Variants in SORCS2 observed in about 807,000 individuals in gnomAD.
The protein encoded by SORCS2 is sortilin related VPS10 domain containing receptor 2, also known as VPS10 domain-containing receptor SorCS2.
Under a neutral mutation model 141.6 loss-of-function variants are expected in SORCS2, and 100 were observed. The observed-to-expected ratio is 0.71, with a 90% CI of 0.60 to 0.83. The LOEUF (loss-of-function observed/expected upper bound fraction) is 0.83, where lower values mean the gene tolerates loss of function less well. Ranked by LOEUF, SORCS2 falls within the 40% of genes least tolerant of loss-of-function variation. The pLI, the probability that SORCS2 is intolerant of heterozygous loss-of-function variation, is 0.00. For missense variants in SORCS2, 1,646 were observed against 1,560.2 expected, an observed-to-expected ratio of 1.05 and a Z score of -0.93; for synonymous variants, 789 against 676.9, an observed-to-expected ratio of 1.17 and a Z score of -2.57.
chr4:7,538,930 T>C (rs538792120), intron 3 of SORCS2, among the ~76,000 whole-genome samples: 10 of 152,328 alleles, frequency 6.6e-5, no homozygotes, highest in Admixed American at 5.2e-4. Context: ...TGATAAAGCA[T>C]GGCCCTGTGT....
intron 1 of SORCS2, among the ~76,000 whole-genome samples, chr4:7,194,979 G>T (rs1046628909): frequency 6.6e-6 from 1 of 152,096 alleles, no homozygotes; most frequent in African/African-American, 2.4e-5. Flanking sequence ...GCCTGCCCCT[G>T]TCCTGACCTC....
chr4:7,409,429 C>T (rs987001987), intron 2 of SORCS2, among the ~76,000 whole-genome samples: 1 of 152,250 alleles, frequency 6.6e-6, no homozygotes, highest in East Asian at 1.9e-4. Flanking sequence ...AACAGACACT[C>T]TGATTTGGAG....
chr4:7,310,759 G>A (rs187720857), intron 1 of SORCS2, among the ~76,000 whole-genome samples: 8 of 152,336 alleles, frequency 5.3e-5, no homozygotes, highest in South Asian at 2.1e-4. Context: ...TCTAGGCTGC[G>A]AAGATAGAAT....
In SORCS2 at chr4:7,505,837, T is replaced by C. The variant is rs77354254; in HGVS notation, c.549-25693T>C. Among the ~76,000 whole-genome samples, 12 of 152,264 alleles carry C rather than the reference T, an allele frequency of 7.9e-5. No individual in the cohort carries two copies. The East Asian group carries it at 2.3e-3, about 29-fold the overall frequency. The stretch of plus-strand genomic sequence containing the variant: ...CCCGTAGGACGAATGGGGATAATTG[T>C]CGCGGGGCCCTCATAGAGCTGGAGT... On this transcript the variant is annotated intron_variant, in intron 2 of 26. Transcript: ENST00000507866.
chr4:7,404,564 T>C (rs1055669717), intron 2 of SORCS2, among the ~76,000 whole-genome samples: 5 of 152,188 alleles, frequency 3.3e-5, no homozygotes, highest in East Asian at 1.9e-4. Context: ...TAAGATGATA[T>C]CTTATTGTGG....
At chr4:7,416,471 T>C (rs1016911299) in intron 2 of SORCS2, among the ~76,000 whole-genome samples, 2 of 152,078 alleles carry the variant, frequency 1.3e-5, no homozygotes, top group African/African-American at 4.8e-5. Flanking sequence ...GTACGGTGCA[T>C]ACACACACTC....
rs529097889 is a variant in SORCS2 at position 7,654,960 on chromosome 4, C to T, written c.887+753C>T. On this transcript the variant is annotated intron_variant, in intron 5 of 26. Coordinates refer to ENST00000507866, the MANE Select transcript of SORCS2 (RefSeq NM_020777.3). Reference sequence around the variant, plus strand: ...CCCTGAGCACCCCAGCCTCACTGCACGGGGGGCACTCGGCTTTCCTTGAGA... The same window carrying T: ...CCCTGAGCACCCCAGCCTCACTGCATGGGGGGCACTCGGCTTTCCTTGAGA... Among the ~76,000 whole-genome samples, 19 of 152,246 alleles carry T rather than the reference C, an allele frequency of 1.2e-4. No individual in the cohort carries two copies. In the East Asian group the frequency reaches 3.3e-3, roughly 26 times the overall value.
intron 2 of SORCS2, among the ~76,000 whole-genome samples, chr4:7,458,875 G>T (rs756981393): frequency 6.6e-5 from 10 of 152,176 alleles, no homozygotes; most frequent in Non-Finnish European, 1.3e-4. Context: ...ATGAGCAGAA[G>T]TTGGCCTTTG....
At position 7,373,031 on chromosome 4, in the gene SORCS2, A is replaced by T. The variant is rs535262798; in HGVS notation, c.481-23257A>T. ...GTTTTTTTTTTTTTTTTCCCCTATCATGCATAAAGTGCTCTGAATGTTTGT... is the reference window on the plus strand; with the variant it reads ...GTTTTTTTTTTTTTTTTCCCCTATCTTGCATAAAGTGCTCTGAATGTTTGT... On this transcript the variant is annotated intron_variant, in intron 1 of 26. Coordinates refer to ENST00000507866, the MANE Select transcript of SORCS2 (RefSeq NM_020777.3). Among the ~76,000 whole-genome samples, 754 of 142,064 alleles carry T rather than the reference A, an allele frequency of 5.3e-3. 5 individuals carry two copies. The highest frequency in any genetic ancestry group is 0.019 in the African/African-American group (719 of 38,246). 93.2% of individuals were successfully genotyped at this position (142,064 alleles called of 152,430 possible). A position where few individuals can be genotyped will look rare whatever the true frequency, so the allele number is the denominator to read the frequency against.
intron 1 of SORCS2, among the ~76,000 whole-genome samples, chr4:7,392,902 G>C (rs966057680): frequency 8.1e-5 from 11 of 135,330 alleles, no homozygotes; most frequent in South Asian, 6.8e-4. Context: ...CCCAGTCGGG[G>C]GGGGGGGGGT....
At chr4:7,597,259 G>A (rs1717333166) in intron 3 of SORCS2, among the ~76,000 whole-genome samples, 3 of 151,060 alleles carry the variant, frequency 2.0e-5, no homozygotes, top group African/African-American at 7.3e-5. Flanking sequence ...CGCAATAGGG[G>A]GAGGGACTAC....
chr4:7,740,060 CT>C, intron 26 of SORCS2, 139 bp from the exon 27 acceptor site: 1 of 683,152 alleles, frequency 1.5e-6, no homozygotes, highest in Admixed American at 2.1e-5. Context: ...CCCCCTGCAC[CT>C]GCACGGGCTG....
At chr4:7,480,151 C>T (rs1386895290) in intron 2 of SORCS2, among the ~76,000 whole-genome samples, 3 of 152,164 alleles carry the variant, frequency 2.0e-5, no homozygotes, top group Non-Finnish European at 4.4e-5. Context: ...CTGTGGCTCA[C>T]AGGGGTCTGA....
chr4:7,573,506 T>C (rs1403530910), intron 3 of SORCS2, among the ~76,000 whole-genome samples: 1 of 152,182 alleles, frequency 6.6e-6, no homozygotes, highest in Non-Finnish European at 1.5e-5. Flanking sequence ...TTCTGATTTT[T>C]TGTTTGTTTG....
At chr4:7,313,251 C>T (rs541598369) in intron 1 of SORCS2, among the ~76,000 whole-genome samples, 1 of 152,366 alleles carries the variant, frequency 6.6e-6, no homozygotes, top group East Asian at 1.9e-4. Flanking sequence ...GCGCTGTGGG[C>T]ATGATCTGGT....
At chr4:7,210,354 T>G (rs1307251118) in intron 1 of SORCS2, among the ~76,000 whole-genome samples, 2 of 152,202 alleles carry the variant, frequency 1.3e-5, no homozygotes, top group Non-Finnish European at 2.9e-5. Context: ...CGATCTTGGC[T>G]CACTGCAGCC....
At chr4:7,629,440 G>A (rs1719733324) in intron 3 of SORCS2, among the ~76,000 whole-genome samples, 1 of 152,006 alleles carries the variant, frequency 6.6e-6, no homozygotes, top group Non-Finnish European at 1.5e-5. Flanking sequence ...TGGCAGGGCA[G>A]GCCCAGCTGA....
chr4:7,356,683 C>T (rs1000081722), intron 1 of SORCS2, among the ~76,000 whole-genome samples: 7 of 152,248 alleles, frequency 4.6e-5, no homozygotes, highest in Non-Finnish European at 1.0e-4. Context: ...ATGCAGACAT[C>T]CAGTCTGCAG....
At chr4:7,489,307 C>T (rs1032742976) in intron 2 of SORCS2, among the ~76,000 whole-genome samples, 1 of 152,186 alleles carries the variant, frequency 6.6e-6, no homozygotes, top group Non-Finnish European at 1.5e-5. Flanking sequence ...CTGCCATTTC[C>T]AAGCACCCTA....
Sources: gnomAD v4.1 joint callset for allele counts (sites outside exome capture counted in the v4.1 genomes callset) on GRCh38, gnomAD v4.1.1 for gene constraint, MANE v1.5 for transcripts, NCBI Gene and HGNC (gene_info 2026-07-23, HGNC 2026-07-21) for gene names.